GALNT13: variants seen among roughly 807,000 people sequenced by gnomAD.
The protein encoded by GALNT13 is UDP-GalNAc:polypeptide N-acetylgalactosaminyltransferase 13.
A neutral mutation model predicts 64.2 loss-of-function variants in GALNT13; 28 were observed. That is an observed-to-expected ratio of 0.44 (90% CI 0.32 to 0.60). The LOEUF is 0.60. GALNT13 is among the 20% of genes least tolerant of loss of function. The pLI, the probability that GALNT13 is intolerant of heterozygous loss-of-function variation, is 0.05. For synonymous variants in GALNT13, 214 were observed against 224.6 expected (o/e 0.95, Z 0.42); for missense variants, 577 against 669.8 (o/e 0.86, Z 1.53).
chr2:153,396,595 T>C, the GALNT13 span, among the ~76,000 whole-genome samples: 1 of 152,092 alleles, frequency 6.6e-6, no homozygotes, highest in Non-Finnish European at 1.5e-5. Context: ...AATAGTTCTA[T>C]GTGAGTAGTC....
the GALNT13 span, among the ~76,000 whole-genome samples, chr2:153,697,829 T>C: frequency 6.6e-6 from 1 of 152,330 alleles, no homozygotes; most frequent in South Asian, 2.1e-4. Flanking sequence ...GTTTTAACAC[T>C]CACTTGCATT....
chr2:153,544,526 T>G, the GALNT13 span, among the ~76,000 whole-genome samples: 6 of 152,208 alleles, frequency 3.9e-5, no homozygotes, highest in Non-Finnish European at 7.3e-5. Context: ...TTTCCTTCTA[T>G]CATCCACAAA....
At chr2:153,690,451 T>A in the GALNT13 span, among the ~76,000 whole-genome samples, 3 of 152,124 alleles carry the variant, frequency 2.0e-5, no homozygotes, top group Admixed American at 6.6e-5. Context: ...ATGGTCTGTT[T>A]CTGTCTTCAA....
chr2:154,225,242 AG>A (rs1688555576), intron 4 of GALNT13, among the ~76,000 whole-genome samples: 1 of 152,082 alleles, frequency 6.6e-6, no homozygotes, highest in Non-Finnish European at 1.5e-5. Context: ...ACACATTCAA[AG>A]ATGTTTGACT....
chr2:153,505,068 G>T, the GALNT13 span, among the ~76,000 whole-genome samples: 2 of 152,182 alleles, frequency 1.3e-5, no homozygotes, highest in African/African-American at 4.8e-5. Flanking sequence ...GCTGGTTATT[G>T]GCCTGTTCAG....
In GALNT13 at chr2:154,350,460, T is replaced by A. The variant is rs149221157; in HGVS notation, c.1157-45531T>A. 9.6e-3 allele frequency among the ~76,000 whole-genome samples: 1,461 copies of A among 152,298 alleles called. 24 individuals are homozygous for A. Among genetic ancestry groups the A allele is most frequent in the African/African-American group, 0.033 (1,376 of 41,568 alleles). On this transcript the variant is annotated intron_variant, in intron 9 of 12. Coordinates refer to ENST00000392825, the MANE Select transcript of GALNT13 (RefSeq NM_052917.4). ...TTTTGTATTCTTGGACTTACACCAGTGGTTTGCCAGGGGCTCTCGGGCTTT... is the reference window on the plus strand; with the variant it reads ...TTTTGTATTCTTGGACTTACACCAGAGGTTTGCCAGGGGCTCTCGGGCTTT...
the GALNT13 span, among the ~76,000 whole-genome samples, chr2:153,109,011 T>G: frequency 1.3e-5 from 2 of 152,152 alleles, no homozygotes; most frequent in African/African-American, 4.8e-5. Context: ...AAGATTCTGA[T>G]AAAGGCAAGA....
chr2:154,316,237 G>A (rs1285434246), intron 9 of GALNT13, among the ~76,000 whole-genome samples: 1 of 152,128 alleles, frequency 6.6e-6, no homozygotes, highest in Non-Finnish European at 1.5e-5. Flanking sequence ...GCTGTATTAT[G>A]CCATTTTAAC....
intron 9 of GALNT13, among the ~76,000 whole-genome samples, chr2:154,376,963 G>C (rs1011704511): frequency 1.8e-4 from 27 of 152,052 alleles, no homozygotes; most frequent in Admixed American, 1.7e-3. Context: ...GCAGATTCCT[G>C]TCAGGGTTAC....
chr2:153,337,902 A>G, the GALNT13 span: 1 of 152,238 alleles, frequency 6.6e-6, no homozygotes, highest in Non-Finnish European at 1.5e-5. Context: ...AATACAAAAT[A>G]CAGATAAACT....
At chr2:154,425,342 GT>G (rs1700424886) in intron 11 of GALNT13, among the ~76,000 whole-genome samples, 1 of 152,050 alleles carries the variant, frequency 6.6e-6, no homozygotes, top group South Asian at 2.1e-4. Context: ...AAATACAATA[GT>G]TTATCTAGGT....
chr2:153,343,096 G>A, the GALNT13 span, among the ~76,000 whole-genome samples: 1 of 152,144 alleles, frequency 6.6e-6, no homozygotes, highest in Non-Finnish European at 1.5e-5. Context: ...TACAATATTT[G>A]TTGAATATAA....
At chr2:154,285,323 T>G (rs1692202508) in intron 8 of GALNT13, among the ~76,000 whole-genome samples, 1 of 152,174 alleles carries the variant, frequency 6.6e-6, no homozygotes, top group Non-Finnish European at 1.5e-5. Context: ...TTTCCCCATG[T>G]TTTATTTGAG....
At chr2:154,043,415 TATATATATATATATA>T (rs201696861) in intron 3 of GALNT13, among the ~76,000 whole-genome samples, 29,358 of 83,606 alleles carry the variant, frequency 0.35, 4,716 homozygotes, top group Middle Eastern at 0.45. Context: ...TAAGGACTTT[TATATATATATATATA>T]TATATATATA....
chr2:154,414,519 T>C (rs866841172), intron 11 of GALNT13, among the ~76,000 whole-genome samples: 1 of 148,298 alleles, frequency 6.7e-6, no homozygotes, highest in African/African-American at 2.5e-5. Flanking sequence ...TTTTTTTTTG[T>C]TTTTTATCTT....
the GALNT13 span, among the ~76,000 whole-genome samples, chr2:153,577,379 A>G: frequency 6.6e-6 from 1 of 152,182 alleles, no homozygotes. Flanking sequence ...TTCCTTTCTC[A>G]AACAAATGCA....
intron 9 of GALNT13, among the ~76,000 whole-genome samples, chr2:154,370,700 T>A (rs1697635070): frequency 6.6e-6 from 1 of 152,100 alleles, no homozygotes; most frequent in Non-Finnish European, 1.5e-5. Flanking sequence ...CTTCTAGATA[T>A]TCAAGTGTAG....
the GALNT13 span, among the ~76,000 whole-genome samples, chr2:153,640,447 T>C: frequency 6.6e-6 from 1 of 152,220 alleles, no homozygotes; most frequent in South Asian, 2.1e-4. Flanking sequence ...TATAATTCAA[T>C]GAGGAGACTA....
At chr2:153,100,997 A>G in the GALNT13 span, among the ~76,000 whole-genome samples, 5 of 89,202 alleles carry the variant, frequency 5.6e-5, no homozygotes, top group Non-Finnish European at 1.6e-4. Flanking sequence ...CCACTGTGTG[A>G]CAGTGTGAGA....
Sources: allele counts gnomAD v4.1 joint callset (sites outside exome capture counted in the v4.1 genomes callset), GRCh38; gene constraint gnomAD v4.1.1; transcripts MANE v1.5; gene names NCBI Gene and HGNC (gene_info 2026-07-23, HGNC 2026-07-21).